The following MAGI1 variants were observed in gnomAD, a reference collection of about 807,000 sequenced individuals.
MAGI1 encodes the protein membrane associated guanylate kinase, WW and PDZ domain containing 1.
MAGI1 carries 58 observed loss-of-function variants against 139.9 expected under a neutral mutation model. The ratio of observed to expected loss-of-function variants is 0.41; its 90% confidence interval spans 0.34 to 0.52. The LOEUF (loss-of-function observed/expected upper bound fraction) is 0.52, where lower values mean the gene tolerates loss of function less well. Among genes scored for constraint, MAGI1 ranks in the 20% least tolerant of loss-of-function variants. The pLI is 0.12. For missense variants in MAGI1, 1,874 were observed against 1,901.6 expected, an observed-to-expected ratio of 0.99 and a Z score of 0.27; for synonymous variants, 812 against 737.9, an observed-to-expected ratio of 1.10 and a Z score of -1.63.
At chr3:66,005,614 TCTTA>T (rs1402846687) in intron 1 of MAGI1, among the ~76,000 whole-genome samples, 4 of 152,070 alleles carry the variant, frequency 2.6e-5, no homozygotes, top group Non-Finnish European at 4.4e-5. Flanking sequence ...TCCCCTTGTG[TCTTA>T]CTATACATAT....
intron 1 of MAGI1, among the ~76,000 whole-genome samples, chr3:65,933,511 C>T (rs1576132960): frequency 6.6e-6 from 1 of 152,188 alleles, no homozygotes; most frequent in East Asian, 1.9e-4. Flanking sequence ...GCAGAAGCCA[C>T]AATTCTGTTA....
chr3:65,662,470 G>A (rs888739637), intron 1 of MAGI1, among the ~76,000 whole-genome samples: 2 of 152,210 alleles, frequency 1.3e-5, no homozygotes, highest in African/African-American at 2.4e-5. Flanking sequence ...GGCCATGGCC[G>A]CGTTCCAGTA....
intron 1 of MAGI1, among the ~76,000 whole-genome samples, chr3:65,648,088 G>A (rs1249933206): frequency 1.3e-5 from 2 of 151,802 alleles, no homozygotes; most frequent in Admixed American, 6.6e-5. Flanking sequence ...AAGCCTCCTA[G>A]TACTAATAAG....
intron 2 of MAGI1, among the ~76,000 whole-genome samples, chr3:65,581,735 T>C (rs2081433534): frequency 6.6e-6 from 1 of 152,168 alleles, no homozygotes; most frequent in South Asian, 2.1e-4. Flanking sequence ...CAATACCCCT[T>C]ACCTTGCTCT....
intron 1 of MAGI1, among the ~76,000 whole-genome samples, chr3:65,787,277 C>T (rs2039460497): frequency 6.6e-6 from 1 of 152,134 alleles, no homozygotes; most frequent in South Asian, 2.1e-4. Flanking sequence ...GCCCGGTCAT[C>T]TTTAAGACAC....
chr3:65,602,736 T>C (rs2082541028), intron 2 of MAGI1, among the ~76,000 whole-genome samples: 1 of 151,760 alleles, frequency 6.6e-6, no homozygotes, highest in African/African-American at 2.4e-5. Flanking sequence ...AAAGAAGAAA[T>C]AATGAAATTA....
At chr3:65,430,213 C>G in intron 11 of MAGI1, 73 bp from the exon 12 acceptor site, 1 of 1,473,250 alleles carries the variant, frequency 6.8e-7, no homozygotes, top group African/African-American at 1.4e-5. Context: ...TAATATCTCC[C>G]ACTAACATAA....
intron 1 of MAGI1, among the ~76,000 whole-genome samples, chr3:66,032,272 C>A (rs186573404): frequency 6.6e-6 from 1 of 151,706 alleles, no homozygotes; most frequent in Non-Finnish European, 1.5e-5. Context: ...AGTGCAGTGG[C>A]GCGATCTCAG....
In MAGI1 at chr3:65,432,988, A is replaced by G. The variant is rs530667109; in HGVS notation, c.1364-2107T>C. Among the ~76,000 whole-genome samples the G allele has an allele frequency of 1.1e-4, 17 of 152,296 alleles. No homozygotes were observed. In the South Asian group the frequency reaches 3.3e-3, roughly 30 times the overall value. ...TTGTCCTTAGCATTTACCACCTTCC[A>G]AAAGAATATACATCTTACTTATTGC... On this transcript the variant is annotated intron_variant, in intron 10 of 22. Transcript: ENST00000402939.
rs146511089 is a variant in MAGI1, at chr3:65,748,544, T to C, written c.314-126456A>G. ...ATAAGAATTTGCAGCTGCCGCTTTG[T>C]ATTGCAACACAGTGAGGGGCAGGCT... On this transcript the variant is annotated intron_variant, in intron 1 of 22. Coordinates refer to ENST00000402939, the MANE Select transcript of MAGI1 (RefSeq NM_001033057.2). Among the ~76,000 whole-genome samples the C allele has an allele frequency of 2.0e-5, 3 of 152,346 alleles. No homozygotes were observed. In the East Asian group the frequency reaches 5.8e-4, roughly 29 times the overall value.
intron 1 of MAGI1, among the ~76,000 whole-genome samples, chr3:65,957,520 C>CAAAA (rs761240940): frequency 9.7e-5 from 3 of 31,030 alleles, no homozygotes; most frequent in African/African-American, 1.7e-4. Context: ...GACTTCATCT[C>CAAAA]AAAAAAAAAA....
At chr3:65,920,443 G>A (rs888550912) in intron 1 of MAGI1, among the ~76,000 whole-genome samples, 1 of 152,098 alleles carries the variant, frequency 6.6e-6, no homozygotes, top group Non-Finnish European at 1.5e-5. Context: ...TTCTAATCCT[G>A]AACCATCTCT....
chr3:65,869,622 G>T (rs537392112), intron 1 of MAGI1, among the ~76,000 whole-genome samples: 2 of 151,836 alleles, frequency 1.3e-5, no homozygotes, highest in African/African-American at 2.4e-5. Flanking sequence ...GGATGGTCTC[G>T]ATCTCCTGAC....
At chr3:65,622,598 C>G (rs539756547) in intron 1 of MAGI1, among the ~76,000 whole-genome samples, 44 of 152,006 alleles carry the variant, frequency 2.9e-4, no homozygotes, top group Non-Finnish European at 4.9e-4. Context: ...GAGTCTTATT[C>G]TGTCACCCAG....
chr3:65,913,797 T>C (rs1254173469), intron 1 of MAGI1, among the ~76,000 whole-genome samples: 1 of 152,152 alleles, frequency 6.6e-6, no homozygotes, highest in Non-Finnish European at 1.5e-5. Flanking sequence ...AGAAATTCCT[T>C]CGGAACATAT....
intron 1 of MAGI1, among the ~76,000 whole-genome samples, chr3:65,961,909 T>C (rs2064446421): frequency 6.6e-6 from 1 of 152,274 alleles, no homozygotes; most frequent in East Asian, 1.9e-4. Flanking sequence ...AGCAAATTGC[T>C]TGGTTAGAGC....
At chr3:65,881,020 G>A (rs1039755024) in intron 1 of MAGI1, among the ~76,000 whole-genome samples, 7 of 151,888 alleles carry the variant, frequency 4.6e-5, no homozygotes, top group South Asian at 2.1e-4. Context: ...CGATCTTCCC[G>A]CCTCAGACTC....
At position 65,716,475 on chromosome 3, in the gene MAGI1, C is replaced by T. The variant is rs1187750561; in HGVS notation, c.314-94387G>A. ...AAAAATGAGGGGAAGGGAAGAGCAG[C>T]AATTAGGCCGACACAAAGGCAGACT... On this transcript the variant is annotated intron_variant, in intron 1 of 22. Coordinates refer to ENST00000402939, the MANE Select transcript of MAGI1 (RefSeq NM_001033057.2). 5.3e-5 allele frequency among the ~76,000 whole-genome samples: 8 copies of T among 152,196 alleles called. 1 individual carries two copies. The highest frequency in any genetic ancestry group is 5.2e-4 in the Admixed American group (8 of 15,278).
chr3:65,361,452 A>T (rs1940847815), intron 21 of MAGI1, 115 bp from the exon 22 acceptor site: 1 of 973,984 alleles, frequency 1.0e-6, no homozygotes, highest in African/African-American at 1.6e-5. Flanking sequence ...TGACAAAAAC[A>T]AACAGAAATC....
Sources: gnomAD v4.1 joint callset for allele counts (sites outside exome capture counted in the v4.1 genomes callset) on GRCh38, gnomAD v4.1.1 for gene constraint, MANE v1.5 for transcripts, NCBI Gene and HGNC (gene_info 2026-07-23, HGNC 2026-07-21) for gene names.